The following RTKN2 variants were observed in gnomAD, a reference collection of about 807,000 sequenced individuals.
RTKN2 encodes rhotekin-2.
RTKN2 carries 69 observed loss-of-function variants against 71.5 expected under a neutral mutation model. The ratio of observed to expected loss-of-function variants is 0.96; its 90% CI spans 0.79 to 1.18. The LOEUF (loss-of-function observed/expected upper bound fraction) is 1.18, where lower values mean the gene tolerates loss of function less well. Among genes scored for constraint, RTKN2 ranks in the 50% most tolerant of loss-of-function variants. The probability of loss-of-function intolerance (pLI) is 0.00; values close to 1 mark genes in which losing one functional copy is unlikely to be tolerated. For missense variants in RTKN2, 724 were observed against 719.7 expected, an observed-to-expected ratio of 1.01 and a Z score of -0.07; for synonymous variants, 236 against 236.5, an observed-to-expected ratio of 1.00 and a Z score of 0.02.
intron 1 of RTKN2, 107 bp downstream of exon 1, chr10:62,268,444 T>C (rs923097991): frequency 1.2e-4 from 132 of 1,081,064 alleles, no homozygotes; most frequent in African/African-American, 2.2e-4. Flanking sequence ...ACCGCTGAAA[T>C]AGAGGAGCGG....
At chr10:62,260,414 A>T (rs1016607421) in intron 2 of RTKN2, among the ~76,000 whole-genome samples, 1 of 152,230 alleles carries the variant, frequency 6.6e-6, no homozygotes, top group Non-Finnish European at 1.5e-5. Flanking sequence ...ACCTCAGGTT[A>T]TATCTTCACA....
chr10:62,257,910 G>A lies in RTKN2; in HGVS notation c.257+4715C>T, dbSNP rs557684996. Among the ~76,000 whole-genome samples, 3 of 152,266 alleles carry A rather than the reference G, an allele frequency of 2.0e-5. No homozygotes were observed. The South Asian group carries it at 6.2e-4, about 32-fold the overall frequency. ...CCTACTGCCTACCCAATCCAGAAAGGTTTTTACATCCTGACTCCATTGGGA... is the reference window on the plus strand; with the variant it reads ...CCTACTGCCTACCCAATCCAGAAAGATTTTTACATCCTGACTCCATTGGGA... On this transcript the variant is annotated intron_variant, in intron 2 of 11. Coordinates refer to ENST00000373789, the MANE Select transcript of RTKN2 (RefSeq NM_145307.4).
At chr10:62,227,016 A>G (rs1307324763) in intron 6 of RTKN2, among the ~76,000 whole-genome samples, 1 of 152,226 alleles carries the variant, frequency 6.6e-6, no homozygotes, top group Non-Finnish European at 1.5e-5. Flanking sequence ...TTTCCCACTT[A>G]AAATAATGGG....
chr10:62,218,567 A>G (rs1041710921), intron 7 of RTKN2, among the ~76,000 whole-genome samples: 5 of 152,116 alleles, frequency 3.3e-5, no homozygotes, highest in Middle Eastern at 3.2e-3. Context: ...TGAACTGTTT[A>G]GTCTCTTGTT....
chr10:62,211,666 A>G (rs555908408), intron 9 of RTKN2, among the ~76,000 whole-genome samples: 12 of 152,200 alleles, frequency 7.9e-5, no homozygotes, highest in South Asian at 4.1e-4. Flanking sequence ...GAGAAACACT[A>G]TTCTTTTTTC....
At chr10:62,211,296 T>C (rs1841653557) in intron 9 of RTKN2, among the ~76,000 whole-genome samples, 1 of 152,180 alleles carries the variant, frequency 6.6e-6, no homozygotes, top group South Asian at 2.1e-4. Context: ...AAATTTGGAT[T>C]GACAATGGGA....
At chr10:62,220,359 A>G (rs1213982156) in intron 7 of RTKN2, among the ~76,000 whole-genome samples, 1 of 152,240 alleles carries the variant, frequency 6.6e-6, no homozygotes, top group Non-Finnish European at 1.5e-5. Context: ...CAAATAAACA[A>G]AAGTTATCTT....
intron 2 of RTKN2, among the ~76,000 whole-genome samples, chr10:62,246,550 T>C (rs1016845898): frequency 1.3e-5 from 2 of 152,030 alleles, no homozygotes; most frequent in Non-Finnish European, 2.9e-5. Context: ...TATAATCATA[T>C]TTAATATCAT....
intron 8 of RTKN2, among the ~76,000 whole-genome samples, chr10:62,187,709 C>T (rs1270581770): frequency 6.6e-6 from 1 of 152,100 alleles, no homozygotes; most frequent in Non-Finnish European, 1.5e-5. Flanking sequence ...CAAAGCATGC[C>T]TAAAAAACTG....
chr10:62,188,919 T>C (rs538055200), downstream of RTKN2, among the ~76,000 whole-genome samples: 21 of 151,964 alleles, frequency 1.4e-4, no homozygotes, highest in Non-Finnish European at 2.8e-4. Flanking sequence ...GGCTAATTTT[T>C]TGTATTTTTA....
rs1841255854 is a variant in RTKN2 at position 62,193,390 on chromosome 10, A to G, written c.*4518T>C. 1 of 982,078 alleles carries G rather than the reference A, an allele frequency of 1.0e-6. No individual in the cohort carries two copies. The highest frequency in any genetic ancestry group is 1.7e-5 in the African/African-American group (1 of 57,174). 60.8% of individuals were successfully genotyped at this position (982,078 alleles called of 1,614,324 possible). ...ATCTTTTCTAATTATTAAACGTGTC[A>G]GCATTAGTATTTTCTCCCATACTCA... On this transcript the variant is annotated 3_prime_UTR_variant, in exon 12 of 12. Coordinates refer to ENST00000373789, the MANE Select transcript of RTKN2 (RefSeq NM_145307.4).
At chr10:62,225,710 G>T (rs1425879923) in intron 6 of RTKN2, among the ~76,000 whole-genome samples, 2 of 151,674 alleles carry the variant, frequency 1.3e-5, no homozygotes, top group Non-Finnish European at 2.9e-5. Flanking sequence ...AATTTCTCGT[G>T]ATGAATTTCA....
At chr10:62,257,395 T>C (rs1842694953) in intron 2 of RTKN2, among the ~76,000 whole-genome samples, 1 of 152,222 alleles carries the variant, frequency 6.6e-6, no homozygotes, top group African/African-American at 2.4e-5. Context: ...TAGTCATTTT[T>C]TGGGTCCTTA....
chr10:62,217,380 T>G, intron 8 of RTKN2, 131 bp from the exon 9 acceptor site: 1 of 656,408 alleles, frequency 1.5e-6, no homozygotes, highest in Non-Finnish European at 2.4e-6. Context: ...TATCCATTAA[T>G]TTGATATACA....
At chr10:62,259,584 C>T (rs1470480112) in intron 2 of RTKN2, among the ~76,000 whole-genome samples, 3 of 151,206 alleles carry the variant, frequency 2.0e-5, no homozygotes, top group East Asian at 1.9e-4. Context: ...CAGAATCTCA[C>T]TCTTTTGCGC....
At chr10:62,229,786 G>A (rs992361928) in intron 6 of RTKN2, among the ~76,000 whole-genome samples, 7 of 151,870 alleles carry the variant, frequency 4.6e-5, no homozygotes. Context: ...TTTTTTCTTG[G>A]GCCTTAAGAA....
chr10:62,184,377 T>C (rs1841101552), exon 9 of RTKN2: 2 of 1,539,932 alleles, frequency 1.3e-6, no homozygotes, highest in African/African-American at 1.4e-5. Flanking sequence ...ATGTAGTTGA[T>C]TACTATTATT....
chr10:62,188,905 G>A (rs549327898), downstream of RTKN2, among the ~76,000 whole-genome samples: 2 of 151,700 alleles, frequency 1.3e-5, no homozygotes, highest in African/African-American at 2.4e-5. Context: ...TTGCCACCAC[G>A]CCTGGCTAAT....
Position 62,196,469 on chromosome 10 carries a change from T to C in RTKN2, c.*1439A>G, listed in dbSNP as rs1354286190. 2 of 985,360 alleles carry C rather than the reference T, an allele frequency of 2.0e-6. No homozygotes were observed. The highest frequency in any genetic ancestry group is 1.1e-4 in the East Asian group (1 of 8,818). The allele number at this position is 985,360 out of a possible 1,614,324, so 61.0% of individuals were successfully genotyped here. ...GCAAACACAAAAGTGTCCTGGCAGT[T>C]ACATCATTCTCTATAAATGGAAAAG... On this transcript the variant is annotated 3_prime_UTR_variant, in exon 12 of 12. Coordinates refer to ENST00000373789, the MANE Select transcript of RTKN2 (RefSeq NM_145307.4).
Sources: gnomAD v4.1 joint callset for allele counts (sites outside exome capture counted in the v4.1 genomes callset) on GRCh38, gnomAD v4.1.1 for gene constraint, MANE v1.5 for transcripts, NCBI Gene and HGNC (gene_info 2026-07-23, HGNC 2026-07-21) for gene names.